The following ACBD6 variants were observed in gnomAD, a reference collection of about 807,000 sequenced individuals.
ACBD6 encodes acyl-CoA binding domain containing 6, also known as acyl-CoA-binding domain-containing protein 6.
In ACBD6, 28 loss-of-function variants were observed where a neutral mutation model predicts 37.2. That is an observed-to-expected ratio of 0.75 (90% confidence interval 0.56 to 1.03). The LOEUF is 1.03. ACBD6 is among the 50% of genes least tolerant of loss of function. ACBD6 has a pLI of 0.00. For synonymous variants in ACBD6, 113 were observed against 126.8 expected, an observed-to-expected ratio of 0.89 and a Z score of 0.73; for missense variants, 340 against 337.4, an observed-to-expected ratio of 1.01 and a Z score of -0.06.
chr1:180,320,436 G>C (rs1488178920), intron 6 of ACBD6, among the ~76,000 whole-genome samples: 2 of 152,128 alleles, frequency 1.3e-5, no homozygotes, highest in Non-Finnish European at 2.9e-5. Flanking sequence ...AGGAGTTCAA[G>C]AGCAGCCTGG....
At position 180,304,730 on chromosome 1, in the gene ACBD6, C is replaced by T. The variant is rs374957455; in HGVS notation, c.694+9962G>A. ...CCCCATCAAGCTACAAATGACTTTC[C>T]TCACAGAATTGGAAAAAACTACTTT... is the stretch of plus-strand genomic sequence containing the variant. On this transcript the variant is annotated intron_variant, in intron 7 of 7. Transcript: ENST00000367595. Among the ~76,000 whole-genome samples the T allele has an allele frequency of 3.6e-3, 539 of 150,722 alleles. 11 individuals carry two copies. The highest frequency in any genetic ancestry group is 0.013 in the African/African-American group (520 of 41,436).
intron 3 of ACBD6, among the ~76,000 whole-genome samples, chr1:180,491,967 G>A (rs539698769): frequency 4.6e-5 from 7 of 152,000 alleles, no homozygotes; most frequent in African/African-American, 1.4e-4. Flanking sequence ...GTACCACCAC[G>A]TCCAGCTAAT....
chr1:180,460,545 T>C (rs745454743), intron 3 of ACBD6, among the ~76,000 whole-genome samples: 89 of 150,978 alleles, frequency 5.9e-4, no homozygotes, highest in Non-Finnish European at 1.0e-3. Context: ...GTCTGTACCC[T>C]CCCTGGGATG....
At chr1:180,447,460 T>C (rs1296647685) in intron 3 of ACBD6, among the ~76,000 whole-genome samples, 2 of 152,132 alleles carry the variant, frequency 1.3e-5, no homozygotes, top group East Asian at 3.8e-4. Context: ...TAAGAATAAA[T>C]ATTATATTAC....
intron 6 of ACBD6, among the ~76,000 whole-genome samples, chr1:180,383,626 T>C (rs1445133524): frequency 6.6e-6 from 1 of 152,164 alleles, no homozygotes; most frequent in Non-Finnish European, 1.5e-5. Flanking sequence ...ATGCAACCCC[T>C]ATCAAAATAT....
intron 4 of ACBD6, among the ~76,000 whole-genome samples, chr1:180,425,322 G>T (rs1648539830): frequency 6.6e-6 from 1 of 152,180 alleles, no homozygotes; most frequent in Non-Finnish European, 1.5e-5. Flanking sequence ...TCTCCAGGGG[G>T]AGTTGCCCAC....
intron 6 of ACBD6, among the ~76,000 whole-genome samples, chr1:180,395,217 G>T (rs368065762): frequency 2.6e-5 from 4 of 152,148 alleles, no homozygotes; most frequent in African/African-American, 9.7e-5. Flanking sequence ...TGAGTAGTGG[G>T]CGGGGAAGGG....
intron 6 of ACBD6, among the ~76,000 whole-genome samples, chr1:180,388,163 G>T (rs1429254067): frequency 7.1e-6 from 1 of 140,150 alleles, no homozygotes; most frequent in African/African-American, 2.6e-5. Flanking sequence ...GTGACAGAGC[G>T]AGACTCCGTC....
At chr1:180,454,015 A>G (rs534513119) in intron 3 of ACBD6, among the ~76,000 whole-genome samples, 10 of 152,226 alleles carry the variant, frequency 6.6e-5, no homozygotes, top group Non-Finnish European at 1.5e-4. Context: ...AAAGAATTAG[A>G]AAAAACTACC....
intron 6 of ACBD6, among the ~76,000 whole-genome samples, chr1:180,356,222 G>A (rs934571004): frequency 2.0e-5 from 3 of 151,830 alleles, no homozygotes; most frequent in African/African-American, 7.3e-5. Flanking sequence ...CCAGGCTGGA[G>A]TGCAGTGGCA....
chr1:180,282,140 G>T (rs1649331574), intron 8 of ACBD6, among the ~76,000 whole-genome samples: 1 of 152,166 alleles, frequency 6.6e-6, no homozygotes, highest in African/African-American at 2.4e-5. Context: ...ATTAAATTGG[G>T]CAAGTTACAG....
intron 6 of ACBD6, among the ~76,000 whole-genome samples, chr1:180,337,843 A>G (rs1484903444): frequency 6.6e-6 from 1 of 152,208 alleles, no homozygotes; most frequent in East Asian, 1.9e-4. Context: ...AATCACAAGC[A>G]TTCTTATACA....
At chr1:180,352,369 G>A (rs551046796) in intron 6 of ACBD6, among the ~76,000 whole-genome samples, 33 of 152,180 alleles carry the variant, frequency 2.2e-4, no homozygotes, top group Non-Finnish European at 2.9e-4. Context: ...TTAGGCTCCT[G>A]AGGATCAGGA....
At chr1:180,390,544 T>G (rs894751444) in intron 6 of ACBD6, among the ~76,000 whole-genome samples, 9 of 151,906 alleles carry the variant, frequency 5.9e-5, no homozygotes, top group African/African-American at 1.9e-4. Context: ...GTGAAGAAAG[T>G]CATTGGTAGC....
chr1:180,484,710 A>G (rs1651190470), intron 3 of ACBD6, among the ~76,000 whole-genome samples: 2 of 152,196 alleles, frequency 1.3e-5, no homozygotes, highest in South Asian at 4.1e-4. Flanking sequence ...TGTATTCAAC[A>G]TGTGTATCTA....
rs1450891938 is a variant in ACBD6 at position 180,397,504 on chromosome 1, T to C, written c.663+12A>G. On this transcript the variant is annotated intron_variant, in intron 6 of 7. Coordinates refer to ENST00000367595, the MANE Select transcript of ACBD6 (RefSeq NM_032360.4). ...AATTTAAAAAATAAAAGCTCTTCTT[T>C]ATCACTCTTACCTGACAGTTAATGT... The C allele has an allele frequency of 1.2e-6, 2 of 1,607,156 alleles. No individual in the cohort carries two copies. Among genetic ancestry groups the C allele is most frequent in the East Asian group, 4.5e-5 (2 of 44,838 alleles).
Position 180,466,654 on chromosome 1 carries a change from C to A in ACBD6, c.384+25615G>T, listed in dbSNP as rs570305983. Among the ~76,000 whole-genome samples the A allele has an allele frequency of 3.3e-5, 5 of 152,184 alleles. No homozygotes were observed. The East Asian group carries it at 9.6e-4, about 29-fold the overall frequency. Reference sequence around the variant, plus strand: ...TTGGGATAAACTTCATTAAAATTTACCTTTAATTAATAGTTTGCCTATGCA... The same window carrying A: ...TTGGGATAAACTTCATTAAAATTTAACTTTAATTAATAGTTTGCCTATGCA... On this transcript the variant is annotated intron_variant, in intron 3 of 7. Transcript: ENST00000367595.
At chr1:180,322,196 T>C (rs1651100783) in intron 6 of ACBD6, among the ~76,000 whole-genome samples, 1 of 152,152 alleles carries the variant, frequency 6.6e-6, no homozygotes, top group Admixed American at 6.5e-5. Flanking sequence ...CATCCTTGCA[T>C]CCCTGTAATA....
At chr1:180,371,089 T>C (rs1346903193) in intron 6 of ACBD6, among the ~76,000 whole-genome samples, 1 of 152,102 alleles carries the variant, frequency 6.6e-6, no homozygotes, top group Non-Finnish European at 1.5e-5. Context: ...ATAGATCATT[T>C]GGTATTGGAA....
Sources: gnomAD v4.1 joint callset for allele counts (sites outside exome capture counted in the v4.1 genomes callset) on GRCh38, gnomAD v4.1.1 for gene constraint, MANE v1.5 for transcripts, NCBI Gene and HGNC (gene_info 2026-07-23, HGNC 2026-07-21) for gene names.